Variants in RC3H2 observed in about 807,000 individuals in gnomAD.
RC3H2 encodes the protein ring finger and CCCH-type domains 2.
Under a neutral mutation model 133.3 loss-of-function variants are expected in RC3H2, and 31 were observed. That is an observed-to-expected ratio of 0.23 (90% CI 0.17 to 0.31). RC3H2 has a LOEUF of 0.31. Ranked by LOEUF, RC3H2 falls within the 10% of genes least tolerant of loss-of-function variation. The probability of loss-of-function intolerance (pLI) is 1.00; values close to 1 mark genes in which losing one functional copy is unlikely to be tolerated. For synonymous variants in RC3H2, 517 were observed against 502.2 expected, an observed-to-expected ratio of 1.03 and a Z score of -0.40; for missense variants, 1,175 against 1,437.2, an observed-to-expected ratio of 0.82 and a Z score of 2.95.
chr9:122,884,907 A>G (rs1831839317), intron 4 of RC3H2, among the ~76,000 whole-genome samples: 1 of 152,158 alleles, frequency 6.6e-6, no homozygotes, highest in Non-Finnish European at 1.5e-5. Context: ...TTCTTCAGGA[A>G]TATCAGTGTC....
At chr9:122,892,830 G>A (rs1832244271) in intron 3 of RC3H2, 79 bp downstream of exon 3, 1 of 1,057,192 alleles carries the variant, frequency 9.5e-7, no homozygotes, top group African/African-American at 1.6e-5. Context: ...TAACTTAATA[G>A]GGTATCCACA....
chr9:122,882,485 T>C (rs1172527763), intron 5 of RC3H2, among the ~76,000 whole-genome samples: 1 of 152,232 alleles, frequency 6.6e-6, no homozygotes, highest in Non-Finnish European at 1.5e-5. Context: ...GTTTCAAATT[T>C]AAATGTTTTA....
intron 1 of RC3H2, among the ~76,000 whole-genome samples, chr9:122,901,570 T>C (rs1832648539): frequency 6.6e-6 from 1 of 151,358 alleles, no homozygotes; most frequent in Non-Finnish European, 1.5e-5. Flanking sequence ...ATATTAGATA[T>C]AACTTCCAAT....
At chr9:122,901,399 G>A (rs1255957938) in intron 1 of RC3H2, among the ~76,000 whole-genome samples, 1 of 152,058 alleles carries the variant, frequency 6.6e-6, no homozygotes, top group East Asian at 1.9e-4. Context: ...AACAGCAATG[G>A]AAACAACCTG....
At chr9:122,895,005 A>G (rs775096311) in intron 2 of RC3H2, among the ~76,000 whole-genome samples, 5 of 152,380 alleles carry the variant, frequency 3.3e-5, no homozygotes, top group Non-Finnish European at 7.3e-5. Flanking sequence ...AAGCCAGTGT[A>G]GCTTAAGCAG....
At chr9:122,859,196 A>G (rs1489645306) in intron 11 of RC3H2, 94 bp from the exon 12 acceptor site, 2 of 1,021,206 alleles carry the variant, frequency 2.0e-6, no homozygotes, top group Non-Finnish European at 2.8e-6. Flanking sequence ...AATGTAGGAA[A>G]ATATAATAAG....
At chr9:122,904,598 ACT>A (rs757975426) in intron 1 of RC3H2, among the ~76,000 whole-genome samples, 5 of 152,028 alleles carry the variant, frequency 3.3e-5, no homozygotes, top group Non-Finnish European at 7.4e-5. Context: ...CTGTGCAACC[ACT>A]CAGGTCCGGC....
chr9:122,901,238 A>G (rs947161883), intron 1 of RC3H2, among the ~76,000 whole-genome samples: 1 of 152,232 alleles, frequency 6.6e-6, no homozygotes, highest in Non-Finnish European at 1.5e-5. Flanking sequence ...CATTCTTGTT[A>G]ACCTATGTGA....
chr9:122,889,971 G>A (rs1832090881), intron 4 of RC3H2, among the ~76,000 whole-genome samples: 1 of 152,096 alleles, frequency 6.6e-6, no homozygotes, highest in Non-Finnish European at 1.5e-5. Flanking sequence ...GTGGAACCCT[G>A]TCTGTACAAA....
intron 12 of RC3H2, 23 bp from the exon 13 acceptor site, chr9:122,858,116 A>G (rs1830321277): frequency 6.2e-7 from 1 of 1,607,044 alleles, no homozygotes; most frequent in Non-Finnish European, 8.5e-7. Context: ...AAAAGAAACA[A>G]TCTTAATCAT....
rs1430874838 is a variant in RC3H2, at chr9:122,897,441, C to T, written c.69G>A (p.Glu23=). ...SCPICYNEFD[E]NVHKPISLGC... Reference sequence around the variant, plus strand: ...CTAAACTGATGGGTTTGTGCACATTCTCATCAAATTCATTATAGCAGATTG... The same window carrying T: ...CTAAACTGATGGGTTTGTGCACATTTTCATCAAATTCATTATAGCAGATTG... Residue 23 remains glutamate (E), a synonymous_variant, in exon 2 of 21, where the codon GAG becomes GAA. Transcript: ENST00000357244. 8 of 1,614,084 alleles carry T rather than the reference C, an allele frequency of 5.0e-6. No individual in the cohort carries two copies. The highest frequency in any genetic ancestry group is 1.3e-5 in the African/African-American group (1 of 74,920).
intron 1 of RC3H2, among the ~76,000 whole-genome samples, chr9:122,899,162 G>A (rs1424641742): frequency 7.4e-6 from 1 of 134,616 alleles, no homozygotes; most frequent in Non-Finnish European, 1.5e-5. Context: ...GAGTGCAATG[G>A]TGTGATCTTG....
rs756368269 is a variant in RC3H2 at position 122,848,945 on chromosome 9, T to C, written c.*682A>G. The C allele has an allele frequency of 2.6e-5, 4 of 152,024 alleles. No individual in the cohort carries two copies. The highest frequency in any genetic ancestry group is 4.4e-5 in the Non-Finnish European group (3 of 67,994). 9.4% of individuals were successfully genotyped at this position (152,024 alleles called of 1,614,324 possible). A position where few individuals can be genotyped will look rare whatever the true frequency, so the allele number is the denominator to read the frequency against. The stretch of plus-strand genomic sequence containing the variant: ...CTTCAACAAGTAGCCTGTGTATAAA[T>C]ATTAACAAAGCAGAAACTACTCTTG... On this transcript the variant is annotated 3_prime_UTR_variant, in exon 21 of 21. Coordinates refer to ENST00000357244, the MANE Select transcript of RC3H2 (RefSeq NM_001100588.3).
intron 9 of RC3H2, among the ~76,000 whole-genome samples, chr9:122,873,357 C>A (rs1403325566): frequency 6.6e-6 from 1 of 152,124 alleles, no homozygotes; most frequent in Non-Finnish European, 1.5e-5. Flanking sequence ...ATTATTTGCT[C>A]CTCCACATAA....
chr9:122,868,128 G>T, intron 9 of RC3H2, among the ~76,000 whole-genome samples: 1 of 147,570 alleles, frequency 6.8e-6, no homozygotes, highest in Non-Finnish European at 1.5e-5. Context: ...GGGGGTGTCA[G>T]CCCCCCGCCC....
intron 9 of RC3H2, chr9:122,874,783 C>T (rs1471726365): frequency 6.2e-6 from 1 of 161,078 alleles, no homozygotes; most frequent in African/African-American, 2.4e-5. Flanking sequence ...GCCTCCCAAA[C>T]TGCTGGGAAT....
At chr9:122,863,957 G>A (rs187044329) in intron 10 of RC3H2, among the ~76,000 whole-genome samples, 311 of 152,280 alleles carry the variant, frequency 2.0e-3, no homozygotes, top group African/African-American at 7.3e-3. Flanking sequence ...GGCTGGTCTT[G>A]AACGCCCAAC....
intron 10 of RC3H2, among the ~76,000 whole-genome samples, chr9:122,862,551 A>G (rs577476080): frequency 2.0e-5 from 3 of 150,806 alleles, no homozygotes; most frequent in South Asian, 2.1e-4. Context: ...CTGTGTTCCA[A>G]TAACAACTGG....
intron 5 of RC3H2, among the ~76,000 whole-genome samples, chr9:122,881,552 G>A (rs2131464220): frequency 6.6e-6 from 1 of 152,054 alleles, no homozygotes; most frequent in East Asian, 1.9e-4. Context: ...AAAAAGCAGA[G>A]CACATAGGGT....
Sources: gnomAD v4.1 joint callset for allele counts (sites outside exome capture counted in the v4.1 genomes callset) on GRCh38, gnomAD v4.1.1 for gene constraint, MANE v1.5 for transcripts, NCBI Gene and HGNC (gene_info 2026-07-23, HGNC 2026-07-21) for gene names.